The following GRID2 variants were observed in gnomAD, a reference collection of about 807,000 sequenced individuals.
The protein encoded by GRID2 is glutamate receptor ionotropic, delta-2.
GRID2 carries 33 observed loss-of-function variants against 114.8 expected under a neutral mutation model. The ratio of observed to expected loss-of-function variants is 0.29; its 90% CI spans 0.22 to 0.38. The LOEUF (loss-of-function observed/expected upper bound fraction) is 0.38. Ranked by LOEUF, GRID2 falls within the 10% of genes least tolerant of loss-of-function variation. The probability of loss-of-function intolerance (pLI) is 1.00; values close to 1 mark genes in which losing one functional copy is unlikely to be tolerated. For missense variants in GRID2, 1,184 were observed against 1,257.7 expected, an observed-to-expected ratio of 0.94 and a Z score of 0.89; for synonymous variants, 505 against 449.9, an observed-to-expected ratio of 1.12 and a Z score of -1.55.
chr4:93,500,770 T>C (rs1560686898), intron 12 of GRID2, among the ~76,000 whole-genome samples: 1 of 152,008 alleles, frequency 6.6e-6, no homozygotes, highest in Admixed American at 6.6e-5. Context: ...TTGCTACTAA[T>C]AGAGACTGGC....
At chr4:92,633,490 A>G (rs1336800208) in intron 2 of GRID2, among the ~76,000 whole-genome samples, 1 of 152,142 alleles carries the variant, frequency 6.6e-6, no homozygotes, top group African/African-American at 2.4e-5. Context: ...TTTTCATTCA[A>G]CTACATATAA....
At chr4:93,121,170 A>C (rs1257175582) in intron 4 of GRID2, among the ~76,000 whole-genome samples, 2 of 152,114 alleles carry the variant, frequency 1.3e-5, no homozygotes, top group Non-Finnish European at 2.9e-5. Flanking sequence ...TTCTAAAATA[A>C]ATTATTTGGA....
intron 2 of GRID2, among the ~76,000 whole-genome samples, chr4:92,680,249 G>A (rs1016889276): frequency 2.0e-5 from 3 of 152,074 alleles, no homozygotes; most frequent in African/African-American, 7.2e-5. Flanking sequence ...AGACAAATTC[G>A]AATCCAAAAT....
intron 4 of GRID2, among the ~76,000 whole-genome samples, chr4:93,124,935 A>G (rs1734135107): frequency 6.6e-6 from 1 of 152,116 alleles, no homozygotes; most frequent in Non-Finnish European, 1.5e-5. Context: ...GAGGTCCTTT[A>G]ATGTTCTGGC....
chr4:92,612,794 T>C (rs774021220), intron 2 of GRID2, among the ~76,000 whole-genome samples: 5 of 151,494 alleles, frequency 3.3e-5, no homozygotes, highest in Non-Finnish European at 7.4e-5. Context: ...CTTATGGCCA[T>C]GAGGAACTCA....
chr4:93,104,860 C>G (rs1263139028), intron 3 of GRID2, among the ~76,000 whole-genome samples: 1 of 151,964 alleles, frequency 6.6e-6, no homozygotes, highest in Non-Finnish European at 1.5e-5. Flanking sequence ...ATTTCTAGTT[C>G]TAGATCCCTG....
chr4:93,613,051 T>C (rs886257909), intron 13 of GRID2, among the ~76,000 whole-genome samples: 2 of 131,808 alleles, frequency 1.5e-5, no homozygotes, highest in African/African-American at 2.9e-5. Context: ...TCTCGCTTCA[T>C]TTCATTCATT....
intron 8 of GRID2, among the ~76,000 whole-genome samples, chr4:93,284,448 C>A (rs1236112302): frequency 1.3e-5 from 2 of 151,812 alleles, no homozygotes; most frequent in East Asian, 3.9e-4. Flanking sequence ...GTACAACAAC[C>A]CCCTATGATA....
intron 3 of GRID2, among the ~76,000 whole-genome samples, chr4:93,094,116 T>C (rs1288661219): frequency 6.6e-6 from 1 of 152,112 alleles, no homozygotes; most frequent in Non-Finnish European, 1.5e-5. Flanking sequence ...AGAATGATTG[T>C]GTTTGTGTTA....
intron 14 of GRID2, among the ~76,000 whole-genome samples, chr4:93,749,974 T>TA: frequency 6.6e-6 from 1 of 152,222 alleles, no homozygotes; most frequent in Non-Finnish European, 1.5e-5. Context: ...GGTGAAGAGA[T>TA]AGGTGCTCAA....
chr4:92,631,851 A>G (rs1730823950), intron 2 of GRID2, among the ~76,000 whole-genome samples: 1 of 152,288 alleles, frequency 6.6e-6, no homozygotes, highest in Non-Finnish European at 1.5e-5. Flanking sequence ...ACTGTTGATA[A>G]AAGAACACTT....
intron 13 of GRID2, among the ~76,000 whole-genome samples, chr4:93,613,270 G>A (rs1351786181): frequency 5.0e-5 from 7 of 139,054 alleles, no homozygotes; most frequent in Non-Finnish European, 9.4e-5. Context: ...TCCTCCCGTA[G>A]CTCAGAGTAA....
At chr4:93,084,792 G>T (rs907123942) in intron 2 of GRID2, among the ~76,000 whole-genome samples, 1 of 152,154 alleles carries the variant, frequency 6.6e-6, no homozygotes, top group African/African-American at 2.4e-5. Context: ...TTTGCACAAG[G>T]TCGCATAGAT....
At chr4:92,992,636 C>T (rs1754975950) in intron 2 of GRID2, among the ~76,000 whole-genome samples, 1 of 151,956 alleles carries the variant, frequency 6.6e-6, no homozygotes, top group Admixed American at 6.6e-5. Flanking sequence ...TGAGAATTTC[C>T]ATTTAAGCTT....
chr4:92,340,687 C>T (rs1727436544), intron 1 of GRID2, among the ~76,000 whole-genome samples: 1 of 152,220 alleles, frequency 6.6e-6, no homozygotes, highest in Admixed American at 6.5e-5. Flanking sequence ...TAGACGCTTG[C>T]ATAGCACTCT....
At chr4:93,308,675 A>G (rs1755693743) in intron 8 of GRID2, among the ~76,000 whole-genome samples, 1 of 152,250 alleles carries the variant, frequency 6.6e-6, no homozygotes, top group Non-Finnish European at 1.5e-5. Flanking sequence ...TAGAATAAGT[A>G]GTCTGTGAAT....
At chr4:92,538,749 G>T (rs1725775467) in intron 1 of GRID2, among the ~76,000 whole-genome samples, 1 of 152,200 alleles carries the variant, frequency 6.6e-6, no homozygotes, top group African/African-American at 2.4e-5. Flanking sequence ...TGTATTAAAT[G>T]GATACATTAA....
rs902940680 is a variant in GRID2 at position 92,938,268 on chromosome 4, A to G, written c.245-146727A>G. ...TGTTAGTAATTTGTGATAAATTATC[A>G]GTTCTTATTTTTAGTTGGGATTCTT... On this transcript the variant is annotated intron_variant, in intron 2 of 15. Coordinates refer to ENST00000282020, the MANE Select transcript of GRID2 (RefSeq NM_001510.4). Among the ~76,000 whole-genome samples, 5 of 146,622 alleles carry G rather than the reference A, an allele frequency of 3.4e-5. 1 individual carries two copies. In the Middle Eastern group the frequency reaches 0.011, roughly 310 times the overall value.
chr4:92,792,333 C>T (rs936179664), intron 2 of GRID2, among the ~76,000 whole-genome samples: 1 of 151,656 alleles, frequency 6.6e-6, no homozygotes, highest in Non-Finnish European at 1.5e-5. Context: ...TAGCTTTTGC[C>T]TCTTCCCACA....
Sources: gnomAD v4.1 joint callset for allele counts (sites outside exome capture counted in the v4.1 genomes callset) on GRCh38, gnomAD v4.1.1 for gene constraint, MANE v1.5 for transcripts, NCBI Gene and HGNC (gene_info 2026-07-23, HGNC 2026-07-21) for gene names.